DEPDC7: variants seen among roughly 807,000 people sequenced by gnomAD.
DEPDC7 encodes DEP domain containing 7.
DEPDC7 carries 41 observed loss-of-function variants against 56.6 expected under a neutral mutation model. That is an observed-to-expected ratio of 0.72 (90% confidence interval 0.56 to 0.94). DEPDC7 has a LOEUF of 0.94. Among genes scored for constraint, DEPDC7 ranks in the 40% least tolerant of loss-of-function variants. The probability of loss-of-function intolerance (pLI) is 0.00; values close to 1 mark genes in which losing one functional copy is unlikely to be tolerated. For synonymous variants in DEPDC7, 185 were observed against 208.8 expected (o/e 0.89, Z 0.98); for missense variants, 522 against 596.3 (o/e 0.88, Z 1.30).
In DEPDC7 at chr11:33,024,786, T is replaced by C. The variant is rs1351063312; in HGVS notation, c.74-873T>C. Among the ~76,000 whole-genome samples, 10 of 145,852 alleles carry C rather than the reference T, an allele frequency of 6.9e-5. No individual in the cohort carries two copies. The Admixed American group carries it at 7.1e-4, about 10-fold the overall frequency. ...GGTCCATCGTTGACAGAAATGTTGT[T>C]TTGTGATGCATGACTCTGTGTGTGT... On this transcript the variant is annotated intron_variant, in intron 1 of 8. Transcript: ENST00000241051.
At chr11:33,025,000 ATAATT>A (rs1338000872) in intron 1 of DEPDC7, among the ~76,000 whole-genome samples, 1 of 152,174 alleles carries the variant, frequency 6.6e-6, no homozygotes, top group Non-Finnish European at 1.5e-5. Context: ...TGAAGGTTAG[ATAATT>A]TACATAAGAT....
intron 4 of DEPDC7, 123 bp downstream of exon 4, chr11:33,028,915 C>A: frequency 1.7e-6 from 1 of 602,262 alleles, no homozygotes; most frequent in Non-Finnish European, 2.6e-6. Flanking sequence ...TTGATATTAT[C>A]AGTATTTGAG....
At chr11:33,022,771 TC>T (rs1165248863) in intron 1 of DEPDC7, among the ~76,000 whole-genome samples, 5 of 152,168 alleles carry the variant, frequency 3.3e-5, no homozygotes, top group African/African-American at 1.2e-4. Flanking sequence ...TCATTCTTGC[TC>T]TGTTCAACAG....
At chr11:33,017,549 AGGGGCCCGCTG>A (rs1853477067) in intron 1 of DEPDC7, among the ~76,000 whole-genome samples, 1 of 152,156 alleles carries the variant, frequency 6.6e-6, no homozygotes, top group African/African-American at 2.4e-5. Context: ...GTGGACGGAG[AGGGGCCCGCTG>A]TTGTTCTCAC....
Position 33,025,948 on chromosome 11 carries a change from A to C in DEPDC7, c.363A>C (p.Lys121Asn), listed in dbSNP as rs977086642. ...CCAAAGTCTTTGGAAAAGACAAAAAACCTACATTTGAAGATAGTAGTTGCA... is the reference window on the plus strand; with the variant it reads ...CCAAAGTCTTTGGAAAAGACAAAAACCCTACATTTGAAGATAGTAGTTGCA... ...VPTKVFGKDKKPTFEDSSCSL... is the reference protein window; with the variant it reads ...VPTKVFGKDKNPTFEDSSCSL... The change falls in exon 2 of 9, where the codon AAA (lysine) becomes AAC (asparagine). Residue 121 changes from lysine to asparagine, a missense_variant. Lys to Asn is a moderately conservative substitution (Grantham distance 94). Transcript: ENST00000241051. 15 of 1,614,088 alleles carry C rather than the reference A, an allele frequency of 9.3e-6. No individual in the cohort carries two copies. The South Asian group carries it at 1.6e-4, about 18-fold the overall frequency.
chr11:33,018,386 C>G (rs959013676), intron 1 of DEPDC7, among the ~76,000 whole-genome samples: 1 of 152,170 alleles, frequency 6.6e-6, no homozygotes, highest in Non-Finnish European at 1.5e-5. Flanking sequence ...TTTAAAACCT[C>G]TTTTGAAAAA....
intron 4 of DEPDC7, among the ~76,000 whole-genome samples, chr11:33,029,263 T>C (rs12278243): frequency 0.4 from 60,793 of 151,232 alleles, 12,377 homozygotes; most frequent in East Asian, 0.45. Context: ...TTTGGGAGGC[T>C]GAGGTGGGTG....
intron 3 of DEPDC7, chr11:33,028,168 G>A (rs562260914): frequency 2.5e-5 from 5 of 197,336 alleles, no homozygotes; most frequent in Admixed American, 6.0e-5. Flanking sequence ...AGAATTCTTC[G>A]GTTCTTCCTT....
In DEPDC7 at chr11:33,032,425, C is replaced by T. The variant is rs1436080211; in HGVS notation, c.1084C>T (p.Leu362=). The T allele has an allele frequency of 6.3e-7, 1 of 1,577,736 alleles. No individual in the cohort carries two copies. Among genetic ancestry groups the T allele is most frequent in the Non-Finnish European group, 8.5e-7 (1 of 1,170,750 alleles). The change falls in exon 6 of 9, where the codon CTG becomes TTG. Residue 362 remains leucine (L), a synonymous_variant. Coordinates refer to ENST00000241051, the MANE Select transcript of DEPDC7 (RefSeq NM_001077242.2). ...FQNREEFRRL[L]YFMAVAANPS... is the part of the protein sequence containing the mutation. ...AAATAGAGAAGAATTTAGAAGACTA[C>T]TGTATTTCATGGCTGTTGCAGCAAA...
intron 2 of DEPDC7, 28 bp from the exon 3 acceptor site, chr11:33,027,658 G>A: frequency 6.8e-7 from 1 of 1,465,846 alleles, no homozygotes; most frequent in Non-Finnish European, 9.0e-7. Context: ...CTTAGTAAAT[G>A]TTCATTTCTG....
chr11:33,025,830 A>G lies in DEPDC7; in HGVS notation c.245A>G (p.Asn82Ser), dbSNP rs778104021. The G allele has an allele frequency of 8.1e-6, 13 of 1,614,186 alleles. No homozygotes were observed. The highest frequency in any genetic ancestry group is 1.7e-5 in the Admixed American group (1 of 60,026). ...VDVIFSHLIQ[N>S]KYFGDVDIPR... ...GTCATTTTTTCTCACCTAATTCAGA[A>G]TAAGTATTTTGGTGATGTAGATATT... is the stretch of plus-strand genomic sequence containing the variant. The change falls in exon 2 of 9, where the codon AAT (asparagine) becomes AGT (serine). Residue 82 changes from asparagine (N) to serine (S), a missense_variant. Physicochemically the swap from Asn to Ser is conservative, Grantham distance 46. Coordinates refer to ENST00000241051, the MANE Select transcript of DEPDC7 (RefSeq NM_001077242.2).
chr11:33,018,579 A>G (rs925669417), intron 1 of DEPDC7, among the ~76,000 whole-genome samples: 1 of 152,180 alleles, frequency 6.6e-6, no homozygotes, highest in African/African-American at 2.4e-5. Flanking sequence ...AGTAAATAAA[A>G]GGTAAACTCC....
At chr11:33,028,538 A>T (rs1787424498) in intron 3 of DEPDC7, 65 bp from the exon 4 acceptor site, 1 of 1,353,924 alleles carries the variant, frequency 7.4e-7, no homozygotes, top group Non-Finnish European at 1.0e-6. Flanking sequence ...GCTTAGAAAA[A>T]TATTATGGTG....
In DEPDC7 at chr11:33,031,542, T is replaced by TG; in HGVS notation, c.948dup (p.Leu317ValfsTer6). 1 of 1,614,142 alleles carries TG rather than the reference T, an allele frequency of 6.2e-7. No homozygotes were observed. The highest frequency in any genetic ancestry group is 8.5e-7 in the Non-Finnish European group (1 of 1,179,954). On this transcript the variant is annotated frameshift_variant, in exon 5 of 9. Coordinates refer to ENST00000241051, the MANE Select transcript of DEPDC7 (RefSeq NM_001077242.2). LOFTEE classifies it high-confidence loss of function. ...AGATATTACAGTAGTAGGGAACCTC[T>TG]GTTAAATCACTTATCTGACGTTCAT...
In DEPDC7 at chr11:33,032,476, G is replaced by T. The variant is rs757386072; in HGVS notation, c.1135G>T (p.Glu379Ter). The T allele has an allele frequency of 5.1e-6, 8 of 1,555,418 alleles. No homozygotes were observed. The highest frequency in any genetic ancestry group is 8.6e-7 in the Non-Finnish European group (1 of 1,162,350). Residue 379 changes from glutamate to a stop codon, truncating the protein, a stop_gained and splice_region_variant, in exon 6 of 9, where the codon GAA becomes TAA. Transcript: ENST00000241051. LOFTEE classifies it high-confidence loss of function. ...TCCTTCTGAGTTTAAATTACAGAAA[G>T]AAGTAAGTCTTTTGTTTAACTGTTA... is the stretch of plus-strand genomic sequence containing the variant. ...ANPSEFKLQKESDNRMVVKRI... is the reference protein window; with the variant it reads ...ANPSEFKLQK
In DEPDC7 at chr11:33,025,700, T is replaced by C. The variant is rs1460958632; in HGVS notation, c.115T>C (p.Trp39Arg). The C allele has an allele frequency of 6.2e-7, 1 of 1,613,472 alleles. No homozygotes were observed. Among genetic ancestry groups the C allele is most frequent in the South Asian group, 1.1e-5 (1 of 91,078 alleles). The change falls in exon 2 of 9, where the codon TGG becomes CGG. Residue 39 changes from tryptophan to arginine, a missense_variant. Physicochemically the swap from Trp to Arg is moderately radical, Grantham distance 101 (BLOSUM62 -3). Transcript: ENST00000241051. ...AQKPFGATYV[W>R]SSIINTLQTQ... Reference sequence around the variant, plus strand: ...GAAGCCATTTGGAGCCACGTATGTATGGAGCAGCATCATAAACACTCTTCA... The same window carrying C: ...GAAGCCATTTGGAGCCACGTATGTACGGAGCAGCATCATAAACACTCTTCA...
Position 33,026,049 on chromosome 11 carries a change from G to T in DEPDC7, c.464G>T (p.Arg155Met). The change falls in exon 2 of 9, where the codon AGG becomes ATG. Residue 155 changes from arginine to methionine, a missense_variant and splice_region_variant. Arg to Met is a moderately conservative substitution (Grantham distance 91). Transcript: ENST00000241051. ...GKENKLYSPA[R>M]YADALFKSSD... ...GAGAACAAACTATATTCACCTGCCA[G>T]GTTGGTATATAATGTTAGATTATCA... 1 of 1,613,786 alleles carries T rather than the reference G, an allele frequency of 6.2e-7. No individual in the cohort carries two copies. The highest frequency in any genetic ancestry group is 8.5e-7 in the Non-Finnish European group (1 of 1,179,956).
intron 1 of DEPDC7, among the ~76,000 whole-genome samples, chr11:33,024,611 C>A (rs1442810445): frequency 6.6e-6 from 1 of 152,110 alleles, no homozygotes; most frequent in East Asian, 1.9e-4. Context: ...TGCTCTTAGG[C>A]CACAAACCTG....
chr11:33,031,517 A>G lies in DEPDC7; in HGVS notation c.922A>G (p.Arg308Gly). The G allele has an allele frequency of 1.2e-6, 2 of 1,614,186 alleles. No homozygotes were observed. Among genetic ancestry groups the G allele is most frequent in the Non-Finnish European group, 1.7e-6 (2 of 1,179,996 alleles). Reference protein sequence around the residue: ...VKELLFDAIGRYYSSREPLLN... With the variant: ...VKELLFDAIGGYYSSREPLLN... ...AGAACTTCTGTTTGATGCCATTGGC[A>G]GATATTACAGTAGTAGGGAACCTCT... Residue 308 changes from arginine to glycine, a missense_variant, in exon 5 of 9, where the codon AGA becomes GGA. Arg to Gly is a moderately radical substitution (Grantham distance 125). Transcript: ENST00000241051.
Sources: gnomAD v4.1 joint callset for allele counts (sites outside exome capture counted in the v4.1 genomes callset) on GRCh38, gnomAD v4.1.1 for gene constraint, MANE v1.5 for transcripts, NCBI Gene and HGNC (gene_info 2026-07-23, HGNC 2026-07-21) for gene names.